Variants in AGBL4 observed in about 807,000 individuals in gnomAD.
AGBL4 encodes the protein AGBL carboxypeptidase 4.
In AGBL4, 58 loss-of-function variants were observed where a neutral mutation model predicts 66.4. That is an observed-to-expected ratio of 0.87 (90% CI 0.71 to 1.09). The LOEUF is 1.09. Ranked by LOEUF, AGBL4 falls within the 50% of genes least tolerant of loss-of-function variation. The pLI is 0.00. For missense variants in AGBL4, 579 were observed against 631.0 expected, an observed-to-expected ratio of 0.92 and a Z score of 0.88; for synonymous variants, 234 against 222.9, an observed-to-expected ratio of 1.05 and a Z score of -0.44.
chr1:49,313,815 C>G (rs190566080), intron 3 of AGBL4, among the ~76,000 whole-genome samples: 25 of 152,102 alleles, frequency 1.6e-4, no homozygotes, highest in Non-Finnish European at 3.2e-4. Context: ...CATTCTGTAG[C>G]TTGCCTGTTC....
At chr1:49,406,135 A>G (rs1645192184) in intron 3 of AGBL4, among the ~76,000 whole-genome samples, 1 of 152,194 alleles carries the variant, frequency 6.6e-6, no homozygotes, top group South Asian at 2.1e-4. Flanking sequence ...CATGGTAAGC[A>G]CTCTGGAAGA....
rs550054742 is a variant in AGBL4, at chr1:49,273,434, TTA to T, written c.283-27572_283-27571del. Among the ~76,000 whole-genome samples, 255 of 151,084 alleles carry T rather than the reference TTA, an allele frequency of 1.7e-3. 2 individuals carry two copies. Among genetic ancestry groups the T allele is most frequent in the African/African-American group, 5.8e-3 (242 of 41,434 alleles). On this transcript the variant is annotated intron_variant, in intron 3 of 13. Transcript: ENST00000371839. ...ATAATTTTGTCTAGTTTATAAATTT[TTA>T]TGTTACTTTCAATAAAAAATAAAAC...
intron 6 of AGBL4, among the ~76,000 whole-genome samples, chr1:48,689,203 C>CA (rs939955179): frequency 0.098 from 5,153 of 52,778 alleles, 249 homozygotes; most frequent in African/African-American, 0.12. Context: ...GACCCGGTCT[C>CA]AAAAAAAAAA....
At position 49,739,616 on chromosome 1, in the gene AGBL4, A is replaced by C. The variant is rs12093728; in HGVS notation, c.158-42179T>G. Among the ~76,000 whole-genome samples, 669 of 152,186 alleles carry C rather than the reference A, an allele frequency of 4.4e-3. 10 individuals carry two copies. The highest frequency in any genetic ancestry group is 0.015 in the African/African-American group (627 of 41,556). ...GACACATACTTGTCAGATTCACCAA[A>C]GTTGAAATGGAAAAAATGTTAAGGG... is the stretch of plus-strand genomic sequence containing the variant. On this transcript the variant is annotated intron_variant, in intron 2 of 13. Transcript: ENST00000371839.
At chr1:49,259,189 C>T (rs944709567) in intron 3 of AGBL4, among the ~76,000 whole-genome samples, 4 of 152,032 alleles carry the variant, frequency 2.6e-5, no homozygotes, top group African/African-American at 9.7e-5. Flanking sequence ...CCAGTACCAG[C>T]CACTGCAAAA....
intron 6 of AGBL4, among the ~76,000 whole-genome samples, chr1:48,675,478 G>A (rs1646350335): frequency 6.6e-6 from 1 of 152,178 alleles, no homozygotes; most frequent in Admixed American, 6.5e-5. Flanking sequence ...TCATCAACGT[G>A]GCTGAAACAA....
intron 2 of AGBL4, among the ~76,000 whole-genome samples, chr1:49,727,836 G>T (rs973470000): frequency 5.3e-5 from 8 of 151,998 alleles, no homozygotes; most frequent in African/African-American, 1.9e-4. Context: ...CACTATAGAG[G>T]TTTACTAAGT....
intron 3 of AGBL4, among the ~76,000 whole-genome samples, chr1:49,654,609 G>A (rs1646080551): frequency 6.6e-6 from 1 of 152,172 alleles, no homozygotes; most frequent in African/African-American, 2.4e-5. Flanking sequence ...GGGTGCTCCT[G>A]CATTGGCAGC....
chr1:49,833,401 G>A (rs1239571854), intron 2 of AGBL4, among the ~76,000 whole-genome samples: 1 of 152,106 alleles, frequency 6.6e-6, no homozygotes, highest in Admixed American at 6.5e-5. Context: ...CTGTAGCCTT[G>A]TAGTATAGTT....
In AGBL4 at chr1:49,295,079, C is replaced by A. The variant is rs79395266; in HGVS notation, c.283-49215G>T. Among the ~76,000 whole-genome samples, 80 of 152,286 alleles carry A rather than the reference C, an allele frequency of 5.3e-4. No homozygotes were observed. In the East Asian group the frequency reaches 0.014, roughly 27 times the overall value. Reference sequence around the variant, plus strand: ...ATTAATTGAATGTAGAACTATTATTCATTCCAGCATCCATGTCTTTGTTCT... The same window carrying A: ...ATTAATTGAATGTAGAACTATTATTAATTCCAGCATCCATGTCTTTGTTCT... On this transcript the variant is annotated intron_variant, in intron 3 of 13. Transcript: ENST00000371839.
chr1:48,922,997 A>T (rs937017681), intron 5 of AGBL4, among the ~76,000 whole-genome samples: 6 of 151,298 alleles, frequency 4.0e-5, no homozygotes, highest in African/African-American at 1.5e-4. Flanking sequence ...TTATCTTTGC[A>T]TTTAAGGATA....
intron 4 of AGBL4, among the ~76,000 whole-genome samples, chr1:49,068,079 G>A (rs1313204340): frequency 3.9e-5 from 6 of 152,094 alleles, no homozygotes; most frequent in African/African-American, 1.4e-4. Context: ...TGAATTAAAT[G>A]GTGATTAGAA....
intron 6 of AGBL4, among the ~76,000 whole-genome samples, chr1:48,668,067 G>T (rs1185456548): frequency 6.6e-6 from 1 of 151,968 alleles, no homozygotes; most frequent in African/African-American, 2.4e-5. Context: ...TCCTTGACTT[G>T]ATTGGTGAAG....
chr1:49,815,432 C>T (rs1418012896), intron 2 of AGBL4, among the ~76,000 whole-genome samples: 1 of 152,174 alleles, frequency 6.6e-6, no homozygotes, highest in Non-Finnish European at 1.5e-5. Flanking sequence ...TGGACACTTA[C>T]ATTGCTTCAA....
intron 4 of AGBL4, among the ~76,000 whole-genome samples, chr1:49,140,029 G>A (rs1646088424): frequency 6.6e-6 from 1 of 152,162 alleles, no homozygotes; most frequent in Non-Finnish European, 1.5e-5. Context: ...ATGATTTCCA[G>A]TTTTATAGAT....
chr1:48,535,014 T>C, intron 12 of AGBL4, 98 bp from the exon 13 acceptor site: 2 of 1,128,392 alleles, frequency 1.8e-6, no homozygotes, highest in South Asian at 2.7e-5. Context: ...GGATGTTGTT[T>C]TTAACACCCA....
chr1:48,913,420 A>G (rs564125167), intron 5 of AGBL4, among the ~76,000 whole-genome samples: 13 of 152,314 alleles, frequency 8.5e-5, no homozygotes, highest in African/African-American at 3.1e-4. Context: ...GCGGCGGGCT[A>G]GAGAGCAAAG....
Position 49,303,461 on chromosome 1 carries a change from T to TTATTTATTTATTTATTTA in AGBL4, c.283-57598_283-57597insTAAATAAATAAATAAATA, listed in dbSNP as rs1290961216. 1.0e-3 allele frequency among the ~76,000 whole-genome samples: 158 copies of TTATTTATTTATTTATTTA among 151,664 alleles called. 1 individual carries two copies. Among genetic ancestry groups the TTATTTATTTATTTATTTA allele is most frequent in the African/African-American group, 3.7e-3 (152 of 41,286 alleles). On this transcript the variant is annotated intron_variant, in intron 3 of 13. Coordinates refer to ENST00000371839, the MANE Select transcript of AGBL4 (RefSeq NM_032785.4). Reference sequence around the variant, plus strand: ...GGCTGCATAAATGTCTTTTATTTATTTATTTATTTGAGACAGAGTCTTGCT... The same window carrying TTATTTATTTATTTATTTA: ...GGCTGCATAAATGTCTTTTATTTATTTATTTATTTATTTATTTATATTTATTTGAGACAGAGTCTTGCT...
intron 11 of AGBL4, among the ~76,000 whole-genome samples, chr1:48,570,793 T>G (rs1644549880): frequency 1.3e-5 from 2 of 152,194 alleles, no homozygotes; most frequent in African/African-American, 4.8e-5. Context: ...CAAGGGGATG[T>G]GTGCTTGAGA....
Sources: gnomAD v4.1 joint callset for allele counts (sites outside exome capture counted in the v4.1 genomes callset) on GRCh38, gnomAD v4.1.1 for gene constraint, MANE v1.5 for transcripts, NCBI Gene and HGNC (gene_info 2026-07-23, HGNC 2026-07-21) for gene names.